Variants in PRELID2 observed in about 807,000 individuals in gnomAD.
PRELID2 encodes the protein PRELI domain containing 2, also known as PRELI domain-containing protein 2.
In PRELID2, 25 loss-of-function variants were observed where a neutral mutation model predicts 28.4. That is an observed-to-expected ratio of 0.88 (90% CI 0.64 to 1.23). PRELID2 has a LOEUF of 1.23. Among genes scored for constraint, PRELID2 ranks in the 50% most tolerant of loss-of-function variants. PRELID2 has a pLI of 0.00. For missense variants in PRELID2, 201 were observed against 214.4 expected (o/e 0.94, Z 0.39); for synonymous variants, 76 against 71.6 (o/e 1.06, Z -0.31).
At chr5:145,255,172 G>A in the PRELID2 span, among the ~76,000 whole-genome samples, 114 of 152,112 alleles carry the variant, frequency 7.5e-4, no homozygotes, top group African/African-American at 2.7e-3. Flanking sequence ...TAAAAATTAT[G>A]AAACATTCAA....
At chr5:145,373,386 TAA>T in the PRELID2 span, among the ~76,000 whole-genome samples, 3 of 82,824 alleles carry the variant, frequency 3.6e-5, no homozygotes, top group African/African-American at 1.4e-4. Context: ...ACAACATATA[TAA>T]TATATATGAT....
intron 1 of PRELID2, 139 bp from the exon 2 acceptor site, chr5:145,823,273 T>C: frequency 1.8e-6 from 1 of 561,646 alleles, no homozygotes; most frequent in South Asian, 2.8e-5. Context: ...GAATCATGGA[T>C]CTTAATTTTA....
chr5:145,606,726 C>A (rs1480590152), intron 1 of PRELID2, among the ~76,000 whole-genome samples: 2 of 152,082 alleles, frequency 1.3e-5, no homozygotes, highest in Non-Finnish European at 2.9e-5. Context: ...CTGAATTTTT[C>A]TTTATTTATT....
chr5:145,416,506 G>A, the PRELID2 span, among the ~76,000 whole-genome samples: 33 of 152,016 alleles, frequency 2.2e-4, no homozygotes, highest in East Asian at 4.1e-3. Flanking sequence ...GAAAATTTTC[G>A]CAACCTACTC....
At chr5:145,363,123 A>C in the PRELID2 span, among the ~76,000 whole-genome samples, 1 of 151,856 alleles carries the variant, frequency 6.6e-6, no homozygotes, top group Non-Finnish European at 1.5e-5. Flanking sequence ...TAAGAAAAAA[A>C]AAAAAAAAAC....
chr5:145,460,218 G>T, the PRELID2 span, among the ~76,000 whole-genome samples: 1 of 152,088 alleles, frequency 6.6e-6, no homozygotes, highest in African/African-American at 2.4e-5. Context: ...CATGCCACCT[G>T]GCCATACGTT....
rs539089764 is a variant in PRELID2, at chr5:145,545,023, T to C, written n.71-71708A>G. ...AACTATTTGCAAGTACAAGTTCAATTTGAGGCCAATGAATTCATATAGAGC... is the reference window on the plus strand; with the variant it reads ...AACTATTTGCAAGTACAAGTTCAATCTGAGGCCAATGAATTCATATAGAGC... On this transcript the variant is annotated intron_variant and non_coding_transcript_variant, in intron 1 of 2. Coordinates refer to the PRELID2 transcript ENST00000510259. 2.6e-5 allele frequency among the ~76,000 whole-genome samples: 4 copies of C among 152,264 alleles called. No individual in the cohort carries two copies. In the East Asian group the frequency reaches 7.8e-4, roughly 30 times the overall value.
At chr5:145,353,248 A>G in the PRELID2 span, among the ~76,000 whole-genome samples, 1 of 152,124 alleles carries the variant, frequency 6.6e-6, no homozygotes, top group Non-Finnish European at 1.5e-5. Context: ...ACTTGAGGCC[A>G]GGAGTTTGAG....
chr5:145,407,585 C>T, the PRELID2 span, among the ~76,000 whole-genome samples: 6 of 152,162 alleles, frequency 3.9e-5, no homozygotes, highest in Non-Finnish European at 8.8e-5. Context: ...CACCCATTGC[C>T]TAAAAAACCC....
At chr5:145,519,583 C>T (rs373638553) in intron 1 of PRELID2, among the ~76,000 whole-genome samples, 10 of 152,254 alleles carry the variant, frequency 6.6e-5, no homozygotes, top group East Asian at 1.9e-4. Context: ...TCCGATGAGG[C>T]TTTATTAGCC....
chr5:145,784,646 C>A (rs866559185), intron 5 of PRELID2, among the ~76,000 whole-genome samples: 4 of 151,816 alleles, frequency 2.6e-5, no homozygotes, highest in Non-Finnish European at 5.9e-5. Context: ...AAATAGAAAC[C>A]AACAATAACA....
At chr5:145,388,809 C>A in the PRELID2 span, among the ~76,000 whole-genome samples, 2 of 152,200 alleles carry the variant, frequency 1.3e-5, no homozygotes, top group Admixed American at 6.5e-5. Context: ...CTATCTGGAC[C>A]ACCCAATTTA....
intron 1 of PRELID2, chr5:145,728,789 G>C: frequency 8.8e-7 from 1 of 1,139,476 alleles, no homozygotes; most frequent in Non-Finnish European, 1.3e-6. Flanking sequence ...AGTAGGAGTA[G>C]AAGTTGTACG....
At chr5:145,604,539 C>T (rs1322898006) in intron 1 of PRELID2, among the ~76,000 whole-genome samples, 1 of 152,044 alleles carries the variant, frequency 6.6e-6, no homozygotes, top group Non-Finnish European at 1.5e-5. Flanking sequence ...CTGCAATGAA[C>T]ATAGACGTGT....
chr5:145,815,252 T>C (rs557945461), intron 4 of PRELID2, among the ~76,000 whole-genome samples: 1 of 152,334 alleles, frequency 6.6e-6, no homozygotes, highest in African/African-American at 2.4e-5. Context: ...AGTGCCTAGA[T>C]GGTGGATTTC....
chr5:145,462,855 C>T, the PRELID2 span, among the ~76,000 whole-genome samples: 5 of 152,292 alleles, frequency 3.3e-5, no homozygotes, highest in Admixed American at 6.5e-5. Context: ...TGACTTTCCA[C>T]TTCTACTAGC....
At chr5:145,413,217 TA>T in the PRELID2 span, among the ~76,000 whole-genome samples, 9 of 151,584 alleles carry the variant, frequency 5.9e-5, no homozygotes, top group African/African-American at 9.7e-5. Flanking sequence ...GATGTACAAA[TA>T]AAAAAATATG....
At chr5:145,372,641 C>T in the PRELID2 span, among the ~76,000 whole-genome samples, 2 of 151,436 alleles carry the variant, frequency 1.3e-5, no homozygotes. Context: ...GGTTTAAAGT[C>T]TGTTTTGTCA....
Position 145,818,877 on chromosome 5 carries a change from C to G in PRELID2, c.208-823G>C, listed in dbSNP as rs572831786. Among the ~76,000 whole-genome samples the G allele has an allele frequency of 3.2e-3, 484 of 152,230 alleles. 2 individuals carry two copies. The highest frequency in any genetic ancestry group is 0.011 in the African/African-American group (457 of 41,544). On this transcript the variant is annotated intron_variant, in intron 3 of 6. Transcript: ENST00000683046. ...CATCTGATATGGTTTGGCTGTGTCC[C>G]CTCCCAAATCTCATCTTGAATTGTA...
Sources: allele counts gnomAD v4.1 joint callset (sites outside exome capture counted in the v4.1 genomes callset), GRCh38; gene constraint gnomAD v4.1.1; transcripts MANE v1.5; gene names NCBI Gene and HGNC (gene_info 2026-07-23, HGNC 2026-07-21).